Variants in FREM1 observed in about 807,000 individuals in gnomAD.
The protein encoded by FREM1 is FRAS1 related extracellular matrix 1.
Under a neutral mutation model 210.1 loss-of-function variants are expected in FREM1, and 220 were observed. The observed-to-expected ratio is 1.05, with a 90% CI of 0.94 to 1.17. FREM1 has a LOEUF of 1.17. Among genes scored for constraint, FREM1 ranks in the 50% most tolerant of loss-of-function variants. FREM1 has a pLI of 0.00. For synonymous variants in FREM1, 1,189 were observed against 980.2 expected (o/e 1.21, Z -3.98); for missense variants, 3,454 against 2,675.5 (o/e 1.29, Z -6.42).
intron 22 of FREM1, among the ~76,000 whole-genome samples, chr9:14,790,456 C>G (rs1282259000): frequency 6.6e-6 from 1 of 152,166 alleles, no homozygotes; most frequent in East Asian, 1.9e-4. Context: ...TTAAAACAGA[C>G]TCTTTCAGGT....
intron 2 of FREM1, among the ~76,000 whole-genome samples, chr9:14,864,160 T>C (rs1260746853): frequency 2.0e-5 from 3 of 152,224 alleles, no homozygotes; most frequent in African/African-American, 4.8e-5. Context: ...AGTTAAGGGA[T>C]GATTACGTCT....
At chr9:14,769,386 C>A (rs1274299075) in intron 27 of FREM1, among the ~76,000 whole-genome samples, 1 of 152,164 alleles carries the variant, frequency 6.6e-6, no homozygotes, top group Non-Finnish European at 1.5e-5. Context: ...CCTCTTGCTG[C>A]ACAATTGCTA....
intron 1 of FREM1, among the ~76,000 whole-genome samples, chr9:14,883,060 A>G (rs1835103080): frequency 6.6e-6 from 1 of 152,164 alleles, no homozygotes; most frequent in South Asian, 2.1e-4. Flanking sequence ...ACAAGAAAGT[A>G]AAGCTTTCTC....
At chr9:14,814,469 A>G (rs1430192013) in intron 15 of FREM1, among the ~76,000 whole-genome samples, 1 of 152,240 alleles carries the variant, frequency 6.6e-6, no homozygotes, top group Non-Finnish European at 1.5e-5. Context: ...TTATTTAAAC[A>G]GGCTAAAACT....
intron 1 of FREM1, among the ~76,000 whole-genome samples, chr9:14,887,187 T>A (rs764710053): frequency 5.3e-5 from 8 of 152,142 alleles, no homozygotes; most frequent in Non-Finnish European, 1.0e-4. Flanking sequence ...TTCTCTTCTT[T>A]GTGTTTTAAT....
In FREM1 at chr9:14,851,285, T is replaced by A; in HGVS notation, c.1151A>T (p.Glu384Val). The A allele has an allele frequency of 6.3e-7, 1 of 1,576,858 alleles. No individual in the cohort carries two copies. Among genetic ancestry groups the A allele is most frequent in the Admixed American group, 1.8e-5 (1 of 56,806 alleles). The change falls in exon 6 of 37, where the codon GAG (glutamate) becomes GTG (valine). Residue 384 changes from glutamate (E) to valine (V), a missense_variant and splice_region_variant. Glu to Val is a moderately radical substitution (Grantham distance 121). Coordinates refer to ENST00000380880, the MANE Select transcript of FREM1 (RefSeq NM_001379081.2). ...NSSHSERRHD[E>V]VELEVYDFFF... The stretch of plus-strand genomic sequence containing the variant: ...GGAAGCTTTGTCTCTCCTTCTTACC[T>A]CATCATGTCTCCTCTCAGAATGGCT...
chr9:14,804,961 T>C lies in FREM1; in HGVS notation c.3466A>G (p.Ile1156Val). ...DEAPDFVVQN[I>V]TVCEGQMKEL... Reference sequence around the variant, plus strand: ...CATTTGGATATGTTTCTTACAGTAATATTCTGCACTACAAAGTCAGGAGCT... The same window carrying C: ...CATTTGGATATGTTTCTTACAGTAACATTCTGCACTACAAAGTCAGGAGCT... Residue 1156 changes from isoleucine (I) to valine (V), a missense_variant, in exon 19 of 37, where the codon ATT becomes GTT. Ile to Val is a conservative substitution (Grantham distance 29). Transcript: ENST00000380880. 6.2e-7 allele frequency: 1 copy of C among 1,605,808 alleles called. No individual in the cohort carries two copies. Among genetic ancestry groups the C allele is most frequent in the Non-Finnish European group, 8.5e-7 (1 of 1,172,548 alleles).
At chr9:14,860,957 A>G (rs974911490) in intron 3 of FREM1, among the ~76,000 whole-genome samples, 2 of 101,254 alleles carry the variant, frequency 2.0e-5, no homozygotes, top group African/African-American at 3.7e-5. Flanking sequence ...ACATATACAC[A>G]TATATACACA....
chr9:14,849,632 G>T (rs900137623), intron 6 of FREM1, among the ~76,000 whole-genome samples: 1 of 152,234 alleles, frequency 6.6e-6, no homozygotes, highest in African/African-American at 2.4e-5. Context: ...GGCTGCCAAA[G>T]CAACAGACTG....
chr9:14,737,433 G>C lies in FREM1; in HGVS notation c.6503C>G (p.Ala2168Gly). The change falls in exon 37 of 37, where the codon GCC becomes GGC. Residue 2168 changes from alanine to glycine, a missense_variant. Physicochemically the swap from Ala to Gly is moderately conservative, Grantham distance 60. Coordinates refer to ENST00000380880, the MANE Select transcript of FREM1 (RefSeq NM_001379081.2). ...GKWQTKDCRR[A>G]KPHNYVCSRK... ...GGAACACACATAATTATGAGGTTTG[G>C]CTCTCCTACAGTCTTTTGTTTGCCA... 1.2e-6 allele frequency: 2 copies of C among 1,613,670 alleles called. No homozygotes were observed. The highest frequency in any genetic ancestry group is 1.7e-6 in the Non-Finnish European group (2 of 1,179,766).
At chr9:14,792,937 G>A in intron 21 of FREM1, 53 bp from the exon 22 acceptor site, 1 of 1,194,104 alleles carries the variant, frequency 8.4e-7, no homozygotes, top group Admixed American at 2.3e-5. Flanking sequence ...TATTCCTTTA[G>A]TAGGGGACAC....
In FREM1 at chr9:14,771,116, T is replaced by G. The variant is rs546753447; in HGVS notation, c.4858-310A>C. Among the ~76,000 whole-genome samples, 7 of 152,288 alleles carry G rather than the reference T, an allele frequency of 4.6e-5. No individual in the cohort carries two copies. The South Asian group carries it at 1.2e-3, about 27-fold the overall frequency. On this transcript the variant is annotated intron_variant, in intron 25 of 36. Coordinates refer to ENST00000380880, the MANE Select transcript of FREM1 (RefSeq NM_001379081.2). ...AGGTCTTTCACCGCCATGGATTCCC[T>G]GCACTTGGCACAGTGCCTGAACCAT...
At chr9:14,796,115 G>A (rs1023969085) in intron 21 of FREM1, among the ~76,000 whole-genome samples, 1 of 152,166 alleles carries the variant, frequency 6.6e-6, no homozygotes, top group Non-Finnish European at 1.5e-5. Context: ...TTCCCATAAT[G>A]CTTTTTAAGA....
intron 28 of FREM1, among the ~76,000 whole-genome samples, chr9:14,758,029 G>A (rs1844753605): frequency 6.6e-6 from 1 of 152,144 alleles, no homozygotes; most frequent in Admixed American, 6.6e-5. Flanking sequence ...TCCTATGTGG[G>A]AAAAGGAATG....
chr9:14,824,723 A>G (rs1402300621), intron 11 of FREM1, 73 bp downstream of exon 11: 1 of 923,688 alleles, frequency 1.1e-6, no homozygotes, highest in East Asian at 2.6e-5. Flanking sequence ...ATATATATAT[A>G]TATTGCTCTA....
chr9:14,738,993 C>T (rs111409468), intron 36 of FREM1, among the ~76,000 whole-genome samples: 14,924 of 107,788 alleles, frequency 0.14, 1,018 homozygotes, highest in Middle Eastern at 0.22. Context: ...CTGGGTGACA[C>T]AGTGAGATTC....
At position 14,744,987 on chromosome 9, in the gene FREM1, G is replaced by A. The variant is rs186525392; in HGVS notation, c.6254+1366C>T. 7.2e-5 allele frequency among the ~76,000 whole-genome samples: 11 copies of A among 152,222 alleles called. No homozygotes were observed. The East Asian group carries it at 1.4e-3, about 19-fold the overall frequency. On this transcript the variant is annotated intron_variant, in intron 35 of 36. Transcript: ENST00000380880. Reference sequence around the variant, plus strand: ...TTGCAGGGACATGGAGGGAGCTGGGGGTCATTATCTGTAGCAAACTAATGC... The same window carrying A: ...TTGCAGGGACATGGAGGGAGCTGGGAGTCATTATCTGTAGCAAACTAATGC...
At position 14,739,466 on chromosome 9, in the gene FREM1, AT is replaced by A. The variant is rs1563802040; in HGVS notation, c.6340+682del. 3.6e-4 allele frequency among the ~76,000 whole-genome samples: 40 copies of A among 111,848 alleles called. 1 individual carries two copies. The highest frequency in any genetic ancestry group is 1.2e-3 in the African/African-American group (39 of 31,592). The allele number at this position is 111,848 out of a possible 152,430, so 73.4% of individuals were successfully genotyped here. A position where few individuals can be genotyped will look rare whatever the true frequency, so the allele number is the denominator to read the frequency against. On this transcript the variant is annotated intron_variant, in intron 36 of 36. Coordinates refer to ENST00000380880, the MANE Select transcript of FREM1 (RefSeq NM_001379081.2). ...TTATTTGGAATATATATATATATAT[AT>A]ATATATATAATTCATATATATATAT...
chr9:14,740,025 T>C, intron 36 of FREM1, 124 bp downstream of exon 36: 2 of 528,842 alleles, frequency 3.8e-6, no homozygotes, highest in Non-Finnish European at 6.7e-6. Flanking sequence ...GCTAGATCTA[T>C]TGGTTGCCTA....
Sources: allele counts gnomAD v4.1 joint callset (sites outside exome capture counted in the v4.1 genomes callset), GRCh38; gene constraint gnomAD v4.1.1; transcripts MANE v1.5; gene names NCBI Gene and HGNC (gene_info 2026-07-23, HGNC 2026-07-21).